BAALC: variants seen among roughly 807,000 people sequenced by gnomAD.
The protein encoded by BAALC is brain and acute leukemia cytoplasmic protein.
Under a neutral mutation model 15.5 loss-of-function variants are expected in BAALC, and 9 were observed. The ratio of observed to expected loss-of-function variants is 0.58; its 90% CI spans 0.35 to 1.02. The LOEUF is 1.02. BAALC is among the 50% of genes least tolerant of loss of function. BAALC has a pLI of 0.02. For synonymous variants in BAALC, 80 were observed against 74.6 expected (o/e 1.07, Z -0.37); for missense variants, 201 against 192.4 (o/e 1.04, Z -0.27).
intron 1 of BAALC, chr8:103,202,988 C>G (rs1563652500): frequency 6.6e-6 from 1 of 152,198 alleles, no homozygotes; most frequent in South Asian, 2.1e-4. Context: ...GGCTGCCTTC[C>G]AGTTCATTAG....
At chr8:103,216,863 T>G (rs1368845142) in intron 2 of BAALC, among the ~76,000 whole-genome samples, 2 of 152,230 alleles carry the variant, frequency 1.3e-5, no homozygotes, top group African/African-American at 4.8e-5. Context: ...TCACACTAAC[T>G]CTATAATGTT....
intron 1 of BAALC, among the ~76,000 whole-genome samples, chr8:103,205,977 A>T (rs1198074072): frequency 6.6e-6 from 1 of 152,234 alleles, no homozygotes; most frequent in Non-Finnish European, 1.5e-5. Flanking sequence ...GCACTTGATG[A>T]GCATTTTGCA....
intron 1 of BAALC, among the ~76,000 whole-genome samples, chr8:103,168,422 G>A (rs867004704): frequency 1.3e-5 from 2 of 151,810 alleles, no homozygotes; most frequent in Non-Finnish European, 2.9e-5. Flanking sequence ...TTGGTGTTTT[G>A]TTGACACTTT....
intron 1 of BAALC, among the ~76,000 whole-genome samples, chr8:103,206,041 C>T (rs1812319905): frequency 6.6e-6 from 1 of 152,114 alleles, no homozygotes; most frequent in Non-Finnish European, 1.5e-5. Flanking sequence ...AAACTTTTAT[C>T]TCAGAAAAAT....
At chr8:103,214,400 C>G (rs1386798002) in intron 2 of BAALC, among the ~76,000 whole-genome samples, 1 of 152,168 alleles carries the variant, frequency 6.6e-6, no homozygotes, top group Non-Finnish European at 1.5e-5. Context: ...TTAAGATTAA[C>G]TAGAAGTGAG....
chr8:103,192,544 A>AT (rs1811995249), intron 1 of BAALC, among the ~76,000 whole-genome samples: 1 of 152,164 alleles, frequency 6.6e-6, no homozygotes, highest in South Asian at 2.1e-4. Context: ...AGTCAGTTGC[A>AT]TTTATCAGGT....
At chr8:103,210,503 C>G (rs1297003296) in intron 1 of BAALC, among the ~76,000 whole-genome samples, 3 of 152,264 alleles carry the variant, frequency 2.0e-5, no homozygotes, top group African/African-American at 7.2e-5. Context: ...ACCCTCCCGC[C>G]CTTGATATAC....
chr8:103,171,200 G>A (rs1480878595), intron 1 of BAALC, among the ~76,000 whole-genome samples: 1 of 145,854 alleles, frequency 6.9e-6, no homozygotes, highest in East Asian at 2.0e-4. Flanking sequence ...GAGGGAGGAA[G>A]GAAAGAGAGA....
At chr8:103,227,675 AC>A (rs1245845206) in intron 2 of BAALC, among the ~76,000 whole-genome samples, 2 of 152,172 alleles carry the variant, frequency 1.3e-5, no homozygotes, top group African/African-American at 2.4e-5. Flanking sequence ...CTCCTTTCAC[AC>A]ATAAAATGTG....
chr8:103,192,004 T>C (rs996372166), intron 1 of BAALC, among the ~76,000 whole-genome samples: 4 of 152,230 alleles, frequency 2.6e-5, no homozygotes, highest in Non-Finnish European at 5.9e-5. Context: ...CTTATATGAC[T>C]GCCACAACAG....
chr8:103,216,443 T>C (rs10104521), intron 2 of BAALC, among the ~76,000 whole-genome samples: 12,962 of 152,302 alleles, frequency 0.085, 586 homozygotes, highest in African/African-American at 0.1. Flanking sequence ...TTAGTCTGTC[T>C]TCCTTGTGGT....
chr8:103,185,068 C>T (rs1811802368), intron 1 of BAALC, among the ~76,000 whole-genome samples: 1 of 152,090 alleles, frequency 6.6e-6, no homozygotes, highest in Non-Finnish European at 1.5e-5. Context: ...GCCTCAACAC[C>T]TAATTCTCTG....
intron 1 of BAALC, among the ~76,000 whole-genome samples, chr8:103,168,754 T>C (rs1038272541): frequency 6.6e-6 from 1 of 152,174 alleles, no homozygotes; most frequent in Non-Finnish European, 1.5e-5. Context: ...CTCTCTCCTG[T>C]GTTGAATTGA....
chr8:103,210,527 G>A (rs571363218), intron 1 of BAALC, among the ~76,000 whole-genome samples: 16 of 152,358 alleles, frequency 1.1e-4, no homozygotes, highest in African/African-American at 2.6e-4. Flanking sequence ...AATACACTGC[G>A]CTTCTGATGC....
intron 1 of BAALC, among the ~76,000 whole-genome samples, chr8:103,171,574 C>T (rs1003577557): frequency 6.6e-6 from 1 of 152,240 alleles, no homozygotes; most frequent in Non-Finnish European, 1.5e-5. Flanking sequence ...TCCCTCCACA[C>T]AGATTCCTCT....
intron 1 of BAALC, among the ~76,000 whole-genome samples, chr8:103,211,923 T>C (rs547477240): frequency 6.6e-6 from 1 of 152,334 alleles, no homozygotes; most frequent in African/African-American, 2.4e-5. Context: ...CCTGTAACTA[T>C]GGCAGAAACT....
At chr8:103,225,408 G>T (rs1392539593) in intron 2 of BAALC, among the ~76,000 whole-genome samples, 1 of 152,180 alleles carries the variant, frequency 6.6e-6, no homozygotes, top group Non-Finnish European at 1.5e-5. Context: ...ATGATCTTTG[G>T]TTAGGTTCCC....
intron 1 of BAALC, among the ~76,000 whole-genome samples, chr8:103,179,722 C>T (rs996350516): frequency 6.6e-5 from 10 of 152,232 alleles, no homozygotes; most frequent in South Asian, 2.1e-4. Flanking sequence ...CCAGGCCCTG[C>T]GCTGGGCTCA....
At chr8:103,225,308 T>G (rs1020933826) in intron 2 of BAALC, among the ~76,000 whole-genome samples, 1 of 152,192 alleles carries the variant, frequency 6.6e-6, no homozygotes, top group Non-Finnish European at 1.5e-5. Flanking sequence ...AGGAAAGCAA[T>G]GACATCCTAT....
Sources: gnomAD v4.1 joint callset for allele counts (sites outside exome capture counted in the v4.1 genomes callset) on GRCh38, gnomAD v4.1.1 for gene constraint, MANE v1.5 for transcripts, NCBI Gene and HGNC (gene_info 2026-07-23, HGNC 2026-07-21) for gene names.